RIGI: variants seen among roughly 807,000 people sequenced by gnomAD.
The protein encoded by RIGI is antiviral innate immune response receptor RIG-I.
At chr9:32,515,790 T>C in the RIGI span, among the ~76,000 whole-genome samples, 1 of 152,246 alleles carries the variant, frequency 6.6e-6, no homozygotes, top group Non-Finnish European at 1.5e-5. Context: ...GAACGTTTTT[T>C]TAGTTCTGAC....
chr9:32,481,975 G>T, the RIGI span, among the ~76,000 whole-genome samples: 9 of 152,308 alleles, frequency 5.9e-5, no homozygotes, highest in South Asian at 1.9e-3. Flanking sequence ...GATTCAGACT[G>T]GTGAAAAGGT....
the RIGI span, among the ~76,000 whole-genome samples, chr9:32,504,908 T>TA: frequency 1.4e-5 from 2 of 139,322 alleles, no homozygotes; most frequent in Non-Finnish European, 3.1e-5. Flanking sequence ...TAAAAGTATA[T>TA]ATTATATCTA....
chr9:32,480,234 T>C, the RIGI span: 2 of 1,602,046 alleles, frequency 1.2e-6, no homozygotes, highest in South Asian at 1.1e-5. Flanking sequence ...AATCTCTGAG[T>C]AAGATCTTGC....
the RIGI span, among the ~76,000 whole-genome samples, chr9:32,510,744 C>T: frequency 6.6e-6 from 1 of 152,088 alleles, no homozygotes; most frequent in African/African-American, 2.4e-5. Context: ...ACAATATTAA[C>T]CTTAAGTGTG....
chr9:32,510,180 G>A, the RIGI span, among the ~76,000 whole-genome samples: 1 of 152,152 alleles, frequency 6.6e-6, no homozygotes, highest in East Asian at 1.9e-4. Flanking sequence ...ATGTTATCCA[G>A]GAGAACGTCC....
the RIGI span, among the ~76,000 whole-genome samples, chr9:32,499,509 G>A: frequency 2.0e-5 from 3 of 151,978 alleles, no homozygotes; most frequent in South Asian, 6.2e-4. Context: ...AAGCTGGAGT[G>A]CAATGGCGCA....
the RIGI span, among the ~76,000 whole-genome samples, chr9:32,521,162 A>AAAAAAAAAAAAAAAAAAAT: frequency 6.8e-6 from 1 of 147,914 alleles, no homozygotes; most frequent in Non-Finnish European, 1.5e-5. Flanking sequence ...AAAAAAAAAA[A>AAAAAAAAAAAAAAAAAAAT]CTTCACAGAA....
the RIGI span, chr9:32,480,137 A>T: frequency 6.8e-7 from 1 of 1,476,870 alleles, no homozygotes; most frequent in Non-Finnish European, 9.2e-7. Flanking sequence ...GTTTATATAT[A>T]TTAAATGCAA....
At chr9:32,480,459 CT>C in the RIGI span, 19 of 1,147,822 alleles carry the variant, frequency 1.7e-5, no homozygotes, top group Non-Finnish European at 2.1e-5. Flanking sequence ...GAAAACTTTT[CT>C]TTTCAAATCT....
the RIGI span, chr9:32,467,920 G>T: frequency 8.8e-6 from 14 of 1,591,298 alleles, no homozygotes; most frequent in African/African-American, 1.2e-4. Context: ...CTTCTGTGCC[G>T]GGAGGGTCAT....
chr9:32,524,041 C>T, the RIGI span, among the ~76,000 whole-genome samples: 19 of 152,166 alleles, frequency 1.2e-4, 2 homozygotes, highest in East Asian at 3.7e-3. Context: ...TTCTTTAGAC[C>T]TCAGTTCAAA....
At chr9:32,480,398 C>T in the RIGI span, 16 of 1,522,520 alleles carry the variant, frequency 1.1e-5, no homozygotes, top group Admixed American at 1.2e-4. Context: ...CAATGTCTAA[C>T]ACATTCACTG....
At chr9:32,500,739 C>T in the RIGI span, 1 of 1,556,050 alleles carries the variant, frequency 6.4e-7, no homozygotes, top group East Asian at 2.3e-5. Context: ...TAGCTTTTCA[C>T]TTTTACAGTA....
the RIGI span, among the ~76,000 whole-genome samples, chr9:32,460,022 C>T: frequency 6.6e-6 from 1 of 152,080 alleles, no homozygotes; most frequent in Non-Finnish European, 1.5e-5. Flanking sequence ...TGGGAGGGAC[C>T]CAGGGGGAGG....
the RIGI span, among the ~76,000 whole-genome samples, chr9:32,484,572 C>T: frequency 6.6e-6 from 1 of 152,168 alleles, no homozygotes; most frequent in Non-Finnish European, 1.5e-5. Flanking sequence ...ATCCGTTTAG[C>T]CATTCAATCA....
At chr9:32,483,365 A>T in the RIGI span, among the ~76,000 whole-genome samples, 1 of 152,180 alleles carries the variant, frequency 6.6e-6, no homozygotes, top group Non-Finnish European at 1.5e-5. Flanking sequence ...ACAGGTACTG[A>T]TTGAACCTGG....
the RIGI span, among the ~76,000 whole-genome samples, chr9:32,507,630 T>G: frequency 6.6e-6 from 1 of 152,126 alleles, no homozygotes; most frequent in South Asian, 2.1e-4. Context: ...TATTTGTCCC[T>G]TCTTTATCTC....
the RIGI span, chr9:32,487,422 T>G: frequency 1.9e-5 from 30 of 1,571,830 alleles, no homozygotes; most frequent in Admixed American, 5.0e-5. Flanking sequence ...GAACTAGAGG[T>G]AGTAGAGAGT....
At chr9:32,464,657 A>T in the RIGI span, among the ~76,000 whole-genome samples, 1 of 152,124 alleles carries the variant, frequency 6.6e-6, no homozygotes, top group Non-Finnish European at 1.5e-5. Flanking sequence ...GATTACAGGC[A>T]TGAGCCACCG....
Sources: gnomAD v4.1 joint callset for allele counts (sites outside exome capture counted in the v4.1 genomes callset) on GRCh38, gnomAD v4.1.1 for gene constraint, MANE v1.5 for transcripts, NCBI Gene and HGNC (gene_info 2026-07-23, HGNC 2026-07-21) for gene names.